The following TNFRSF19 variants were observed in gnomAD, a reference collection of about 807,000 sequenced individuals.
TNFRSF19 encodes tumor necrosis factor receptor superfamily member 19.
A neutral mutation model predicts 46.4 loss-of-function variants in TNFRSF19; 27 were observed. The observed-to-expected ratio is 0.58, with a 90% CI of 0.43 to 0.80. The LOEUF (loss-of-function observed/expected upper bound fraction) is 0.80. Among genes scored for constraint, TNFRSF19 ranks in the 30% least tolerant of loss-of-function variants. TNFRSF19 has a pLI of 0.00. For synonymous variants in TNFRSF19, 204 were observed against 205.0 expected, an observed-to-expected ratio of 1.00 and a Z score of 0.04; for missense variants, 511 against 530.8, an observed-to-expected ratio of 0.96 and a Z score of 0.37.
intron 1 of TNFRSF19, among the ~76,000 whole-genome samples, chr13:23,586,513 C>T (rs1352136157): frequency 2.0e-5 from 3 of 152,244 alleles, no homozygotes; most frequent in Non-Finnish European, 2.9e-5. Flanking sequence ...TCCAGAGGTC[C>T]GCCCAGCCAA....
intron 5 of TNFRSF19, among the ~76,000 whole-genome samples, chr13:23,648,485 G>A (rs1883452397): frequency 6.6e-6 from 1 of 152,130 alleles, no homozygotes; most frequent in African/African-American, 2.4e-5. Context: ...ACAGTTTTTT[G>A]TGGAATCCTT....
chr13:23,645,670 C>T (rs1883288388), intron 5 of TNFRSF19, among the ~76,000 whole-genome samples: 1 of 152,144 alleles, frequency 6.6e-6, no homozygotes, highest in African/African-American at 2.4e-5. Flanking sequence ...CTGCATTCTG[C>T]CCTGGGTCCT....
At chr13:23,665,622 G>A (rs1268013411) in intron 7 of TNFRSF19, among the ~76,000 whole-genome samples, 1 of 151,542 alleles carries the variant, frequency 6.6e-6, no homozygotes, top group Non-Finnish European at 1.5e-5. Flanking sequence ...CCTCTCTCTC[G>A]TGTGTGTGTA....
chr13:23,635,529 C>T (rs1882623106), intron 5 of TNFRSF19, among the ~76,000 whole-genome samples: 1 of 152,068 alleles, frequency 6.6e-6, no homozygotes, highest in Admixed American at 6.5e-5. Context: ...CAGGTGTGTG[C>T]CACCATGCCC....
chr13:23,585,351 C>T (rs1878746207), intron 1 of TNFRSF19: 1 of 152,148 alleles, frequency 6.6e-6, no homozygotes, highest in Non-Finnish European at 1.5e-5. Context: ...TTACAAAGCA[C>T]ATATGTTTTC....
chr13:23,668,681 C>T lies in TNFRSF19; in HGVS notation c.840-11C>T, dbSNP rs370482479. ...ATCAAAAACTTTAAGTTCTTTTGAA[C>T]GTGTGTGCAGAAACGCAGGCCCAGC... On this transcript the variant is annotated splice_polypyrimidine_tract_variant and intron_variant, in intron 8 of 9. Transcript: ENST00000248484. 115 of 1,601,746 alleles carry T rather than the reference C, an allele frequency of 7.2e-5. No homozygotes were observed. In the African/African-American group the frequency reaches 1.4e-3, roughly 20 times the overall value.
chr13:23,631,080 A>C (rs1882335001), intron 5 of TNFRSF19, among the ~76,000 whole-genome samples: 1 of 152,240 alleles, frequency 6.6e-6, no homozygotes, highest in African/African-American at 2.4e-5. Flanking sequence ...ACCAATAAGT[A>C]ATAAATCACA....
At chr13:23,654,387 G>T (rs549722001) in intron 5 of TNFRSF19, among the ~76,000 whole-genome samples, 1 of 152,012 alleles carries the variant, frequency 6.6e-6, no homozygotes, top group Non-Finnish European at 1.5e-5. Context: ...CCTGCCCCAG[G>T]ACACCCAGAC....
intron 4 of TNFRSF19, among the ~76,000 whole-genome samples, chr13:23,625,918 T>A (rs1881967811): frequency 6.6e-6 from 1 of 152,226 alleles, no homozygotes; most frequent in Admixed American, 6.5e-5. Flanking sequence ...CATCTTAAAT[T>A]TTTTAAAAAA....
At chr13:23,649,363 A>G (rs1883506512) in intron 5 of TNFRSF19, among the ~76,000 whole-genome samples, 1 of 152,084 alleles carries the variant, frequency 6.6e-6, no homozygotes, top group African/African-American at 2.4e-5. Flanking sequence ...ATGACTGTTT[A>G]TAGTATTGTC....
At chr13:23,657,899 T>C (rs1272120225) in intron 5 of TNFRSF19, among the ~76,000 whole-genome samples, 2 of 152,122 alleles carry the variant, frequency 1.3e-5, no homozygotes, top group African/African-American at 2.4e-5. Context: ...TGAAATGACA[T>C]GTGAAGCACA....
chr13:23,613,070 T>C (rs1780859126), intron 3 of TNFRSF19, among the ~76,000 whole-genome samples: 1 of 152,374 alleles, frequency 6.6e-6, no homozygotes, highest in African/African-American at 2.4e-5. Flanking sequence ...TTTTGAAAGA[T>C]TCTTAGTCAA....
chr13:23,655,491 G>A (rs1027144958), intron 5 of TNFRSF19, among the ~76,000 whole-genome samples: 18 of 152,134 alleles, frequency 1.2e-4, no homozygotes, highest in African/African-American at 4.3e-4. Context: ...AGTACTTTCG[G>A]AATCCTAATA....
intron 3 of TNFRSF19, among the ~76,000 whole-genome samples, chr13:23,603,236 A>G (rs1400413275): frequency 1.3e-5 from 2 of 152,062 alleles, no homozygotes; most frequent in Admixed American, 6.6e-5. Context: ...AGATGAAATG[A>G]ATCAATTCCT....
rs1246922804 is a variant in TNFRSF19, at chr13:23,674,548, G to A, written c.*1168G>A. 2.0e-5 allele frequency: 3 copies of A among 151,478 alleles called. No homozygotes were observed. Among genetic ancestry groups the A allele is most frequent in the East Asian group, 2.0e-4 (1 of 5,100 alleles). 9.4% of individuals were successfully genotyped at this position (151,478 alleles called of 1,614,324 possible). On this transcript the variant is annotated 3_prime_UTR_variant, in exon 10 of 10. Transcript: ENST00000248484. Reference sequence around the variant, plus strand: ...GAGGACGGTGCTTCTTTCTATTAAAGTGCTCCATCCCCTACCATCTACACA... The same window carrying A: ...GAGGACGGTGCTTCTTTCTATTAAAATGCTCCATCCCCTACCATCTACACA...
At chr13:23,646,411 A>C (rs1883335487) in intron 5 of TNFRSF19, among the ~76,000 whole-genome samples, 1 of 152,128 alleles carries the variant, frequency 6.6e-6, no homozygotes, top group Non-Finnish European at 1.5e-5. Context: ...CCCAGATAGA[A>C]GCTCTACACC....
chr13:23,577,114 G>C (rs1056926740), intron 1 of TNFRSF19, among the ~76,000 whole-genome samples: 1 of 152,194 alleles, frequency 6.6e-6, no homozygotes, highest in Non-Finnish European at 1.5e-5. Flanking sequence ...CAGAAACTTA[G>C]AGAGGTTAAG....
At chr13:23,625,032 G>A (rs1055666604) in intron 4 of TNFRSF19, among the ~76,000 whole-genome samples, 2 of 152,120 alleles carry the variant, frequency 1.3e-5, no homozygotes, top group Non-Finnish European at 2.9e-5. Flanking sequence ...GATTACAGGC[G>A]TGAGTCACTG....
At chr13:23,575,490 G>A (rs1162755437) in intron 1 of TNFRSF19, among the ~76,000 whole-genome samples, 2 of 152,208 alleles carry the variant, frequency 1.3e-5, no homozygotes, top group Admixed American at 1.3e-4. Flanking sequence ...GCCTCACGGT[G>A]CTCCCTCAGC....
Sources: allele counts gnomAD v4.1 joint callset (sites outside exome capture counted in the v4.1 genomes callset), GRCh38; gene constraint gnomAD v4.1.1; transcripts MANE v1.5; gene names NCBI Gene and HGNC (gene_info 2026-07-23, HGNC 2026-07-21).